BPIFA1: variants seen among roughly 807,000 people sequenced by gnomAD.
BPIFA1 encodes BPI fold-containing family A member 1.
Under a neutral mutation model 25.1 loss-of-function variants are expected in BPIFA1, and 24 were observed. The observed-to-expected ratio is 0.96, with a 90% CI of 0.69 to 1.35. The LOEUF (loss-of-function observed/expected upper bound fraction) is 1.35, where lower values mean the gene tolerates loss of function less well. BPIFA1 is among the 40% of genes most tolerant of loss of function. The pLI is 0.00. For synonymous variants in BPIFA1, 139 were observed against 131.8 expected, an observed-to-expected ratio of 1.05 and a Z score of -0.37; for missense variants, 344 against 303.7, an observed-to-expected ratio of 1.13 and a Z score of -0.99.
chr20:33,236,934 G>A (rs143312207), intron 1 of BPIFA1, among the ~76,000 whole-genome samples: 16 of 152,222 alleles, frequency 1.1e-4, no homozygotes, highest in East Asian at 7.7e-4. Flanking sequence ...GTGGCCATGC[G>A]ACCCCTGTAT....
Position 33,238,005 on chromosome 20 carries a change from A to G in BPIFA1, c.161-50A>G, listed in dbSNP as rs369322707. ...GCTGGATGGGGGAGGGGGCCTGAGG[A>G]TCTGGAATTGTCAGATCTGACCCCC... On this transcript the variant is annotated intron_variant, in intron 2 of 8. Coordinates refer to ENST00000354297, the MANE Select transcript of BPIFA1 (RefSeq NM_130852.3). The G allele has an allele frequency of 2.5e-6, 4 of 1,574,840 alleles. No individual in the cohort carries two copies. In the African/African-American group the frequency reaches 5.5e-5, roughly 22 times the overall value.
intron 5 of BPIFA1, among the ~76,000 whole-genome samples, 156 bp from the exon 6 acceptor site, chr20:33,241,229 T>A (rs916400441): frequency 6.6e-6 from 1 of 152,230 alleles, no homozygotes; most frequent in Admixed American, 6.5e-5. Flanking sequence ...TCCCTTTACA[T>A]AAGACCCTTG....
At chr20:33,239,946 C>T (rs764134147) in intron 4 of BPIFA1, 36 bp downstream of exon 4, 71 of 1,579,192 alleles carry the variant, frequency 4.5e-5, no homozygotes, top group Middle Eastern at 3.3e-4. Context: ...GAGGATGGCT[C>T]ACCGAGGGAG....
At chr20:33,238,291 C>A in intron 3 of BPIFA1, 77 bp downstream of exon 3, 1 of 839,322 alleles carries the variant, frequency 1.2e-6, no homozygotes, top group Non-Finnish European at 1.6e-6. Context: ...AGGCAGTGAC[C>A]CTGAAGCAGC....
intron 7 of BPIFA1, 85 bp downstream of exon 7, chr20:33,242,204 A>G: frequency 7.3e-7 from 1 of 1,371,960 alleles, no homozygotes; most frequent in South Asian, 1.2e-5. Context: ...ACACCCTAGG[A>G]TACTAGGTCC....
rs369658054 is a variant in BPIFA1, at chr20:33,237,696, G to A, written c.-15-1G>A. On this transcript the variant is annotated splice_acceptor_variant, in intron 1 of 8. Coordinates refer to ENST00000354297, the MANE Select transcript of BPIFA1 (RefSeq NM_130852.3). LOFTEE classifies it low-confidence loss of function (5UTR_SPLICE). ...TGTTGGACTTGTCATTCTGGCCACAGATACTAAGAGCAAAGATGTTTCAAA... is the reference window on the plus strand; with the variant it reads ...TGTTGGACTTGTCATTCTGGCCACAAATACTAAGAGCAAAGATGTTTCAAA... The A allele has an allele frequency of 2.1e-6, 3 of 1,440,038 alleles. No individual in the cohort carries two copies. Among genetic ancestry groups the A allele is most frequent in the Non-Finnish European group, 2.7e-6 (3 of 1,092,594 alleles). 89.2% of individuals were successfully genotyped at this position (1,440,038 alleles called of 1,614,324 possible). A position where few individuals can be genotyped will look rare whatever the true frequency, so the allele number is the denominator to read the frequency against.
chr20:33,236,934 GACCCCTGTATTGTGTGACTTTCAAGGGCA>G (rs1978707436), intron 1 of BPIFA1, among the ~76,000 whole-genome samples: 1 of 152,104 alleles, frequency 6.6e-6, no homozygotes, highest in South Asian at 2.1e-4. Context: ...GTGGCCATGC[GACCCCTGTATTGTGTGACTTTCAAGGGCA>G]TCCACCAACC....
At chr20:33,242,003 T>G (rs1600642396) in intron 6 of BPIFA1, 53 bp from the exon 7 acceptor site, 1 of 1,528,212 alleles carries the variant, frequency 6.5e-7, no homozygotes, top group South Asian at 1.1e-5. Flanking sequence ...CACTAGGGAT[T>G]CTGCTGCTCC....
At chr20:33,239,970 T>C in intron 4 of BPIFA1, 60 bp downstream of exon 4, 6 of 1,525,270 alleles carry the variant, frequency 3.9e-6, no homozygotes, top group Non-Finnish European at 5.5e-6. Context: ...CTGGTGACCA[T>C]GGTTAACCAT....
chr20:33,241,972 G>A, intron 6 of BPIFA1, 84 bp from the exon 7 acceptor site: 6 of 1,265,562 alleles, frequency 4.7e-6, no homozygotes, highest in South Asian at 2.5e-5. Flanking sequence ...AAAATGACAG[G>A]AAATTTCCCC....
chr20:33,238,748 C>T (rs913261561), intron 3 of BPIFA1, among the ~76,000 whole-genome samples: 5 of 152,262 alleles, frequency 3.3e-5, no homozygotes, highest in East Asian at 3.9e-4. Context: ...AAAGGTCTAA[C>T]GTGGAGTTTC....
At chr20:33,237,957 C>T in intron 2 of BPIFA1, 86 bp downstream of exon 2, 2 of 1,476,532 alleles carry the variant, frequency 1.4e-6, no homozygotes, top group Non-Finnish European at 9.1e-7. Context: ...TGTGTCCAAC[C>T]CTGCAAAGTG....
chr20:33,240,626 A>G (rs74392222), intron 5 of BPIFA1, among the ~76,000 whole-genome samples: 5 of 142,998 alleles, frequency 3.5e-5, no homozygotes, highest in South Asian at 2.2e-4. Flanking sequence ...ATGAATAGAT[A>G]GATGGATGGA....
chr20:33,237,727 G>A lies in BPIFA1; in HGVS notation c.16G>A (p.Gly6Ser), dbSNP rs374193470. Reference sequence around the variant, plus strand: ...AAGAGCAAAGATGTTTCAAACTGGGGGCCTCATTGTCTTCTACGGGCTGTT... The same window carrying A: ...AAGAGCAAAGATGTTTCAAACTGGGAGCCTCATTGTCTTCTACGGGCTGTT... MFQTG[G>S]LIVFYGLLAQ... Residue 6 changes from glycine (G) to serine (S), a missense_variant, in exon 2 of 9, where the codon GGC (glycine) becomes AGC (serine). Transcript: ENST00000354297. 4.8e-6 allele frequency: 7 copies of A among 1,461,052 alleles called. No individual in the cohort carries two copies. The South Asian group carries it at 7.8e-5, about 16-fold the overall frequency. 90.5% of individuals were successfully genotyped at this position (1,461,052 alleles called of 1,614,324 possible).
chr20:33,242,962 A>C, intron 8 of BPIFA1, 145 bp from the exon 9 acceptor site: 1 of 189,042 alleles, frequency 5.3e-6, no homozygotes, highest in Non-Finnish European at 1.1e-5. Context: ...AGACACACTC[A>C]CTCAAACACA....
intron 3 of BPIFA1, 30 bp from the exon 4 acceptor site, chr20:33,239,773 T>C: frequency 1.3e-6 from 2 of 1,589,218 alleles, no homozygotes; most frequent in Non-Finnish European, 1.7e-6. Context: ...GGAGCTAATG[T>C]TTCCCCCTCC....
At chr20:33,239,457 C>A (rs527707240) in intron 3 of BPIFA1, among the ~76,000 whole-genome samples, 8 of 152,336 alleles carry the variant, frequency 5.3e-5, no homozygotes, top group Admixed American at 5.2e-4. Context: ...ACCTTCCCAT[C>A]AATCCAGTCA....
At chr20:33,237,897 CATGT>C (rs1204601451) in intron 2 of BPIFA1, 26 bp downstream of exon 2, 14 of 1,268,328 alleles carry the variant, frequency 1.1e-5, no homozygotes, top group African/African-American at 2.0e-5. Flanking sequence ...TGTATGTGTG[CATGT>C]GTGTGTGTGT....
intron 5 of BPIFA1, 145 bp downstream of exon 5, chr20:33,240,530 A>AGATGGATG (rs10677320): frequency 0.04 from 30,142 of 749,086 alleles, 922 homozygotes; most frequent in East Asian, 0.092. Context: ...GAGCGTGGAA[A>AGATGGATG]GATGGATGGA....
Sources: gnomAD v4.1 joint callset for allele counts (sites outside exome capture counted in the v4.1 genomes callset) on GRCh38, gnomAD v4.1.1 for gene constraint, MANE v1.5 for transcripts, NCBI Gene and HGNC (gene_info 2026-07-23, HGNC 2026-07-21) for gene names.